Variants in TBC1D19 observed in about 807,000 individuals in gnomAD.
The protein encoded by TBC1D19 is TBC1 domain family, member 19.
In TBC1D19, 60 loss-of-function variants were observed where a neutral mutation model predicts 89.0. The ratio of observed to expected loss-of-function variants is 0.67; its 90% CI spans 0.55 to 0.84. The LOEUF (loss-of-function observed/expected upper bound fraction) is 0.84, where lower values mean the gene tolerates loss of function less well. Ranked by LOEUF, TBC1D19 falls within the 40% of genes least tolerant of loss-of-function variation. The probability of loss-of-function intolerance (pLI) is 0.00; values close to 1 mark genes in which losing one functional copy is unlikely to be tolerated. For missense variants in TBC1D19, 500 were observed against 610.8 expected (o/e 0.82, Z 1.91); for synonymous variants, 189 against 199.7 (o/e 0.95, Z 0.45).
intron 13 of TBC1D19, among the ~76,000 whole-genome samples, chr4:26,712,489 A>C (rs1179148695): frequency 6.6e-6 from 1 of 152,038 alleles, no homozygotes; most frequent in African/African-American, 2.4e-5. Context: ...CATGTATAAG[A>C]ATCCTTGGTT....
intron 17 of TBC1D19, among the ~76,000 whole-genome samples, chr4:26,741,718 G>A (rs1433832543): frequency 6.6e-6 from 1 of 151,580 alleles, no homozygotes; most frequent in African/African-American, 2.4e-5. Context: ...TTGGAACCAT[G>A]ACAGTCTTTT....
chr4:26,679,112 A>G (rs1713102612), intron 11 of TBC1D19, among the ~76,000 whole-genome samples: 1 of 152,214 alleles, frequency 6.6e-6, no homozygotes, highest in Admixed American at 6.5e-5. Flanking sequence ...TGCATAAGTA[A>G]TGAGGAGCCA....
At chr4:26,656,992 TCC>T (rs1491436420) in intron 7 of TBC1D19, among the ~76,000 whole-genome samples, 3 of 95,840 alleles carry the variant, frequency 3.1e-5, no homozygotes, top group African/African-American at 1.3e-4. Context: ...CTTCTTCTTC[TCC>T]TTCTCCTTCT....
chr4:26,824,575 G>A, the TBC1D19 span, among the ~76,000 whole-genome samples: 10 of 152,138 alleles, frequency 6.6e-5, no homozygotes, highest in East Asian at 3.9e-4. Flanking sequence ...GGTCTTTTTC[G>A]TATGCATATT....
intron 13 of TBC1D19, among the ~76,000 whole-genome samples, chr4:26,709,495 T>C (rs1010436453): frequency 1.2e-4 from 18 of 152,060 alleles, no homozygotes; most frequent in African/African-American, 4.3e-4. Flanking sequence ...TGCACCTCTC[T>C]GGTCAGAAGA....
At chr4:26,620,801 AG>A (rs1742001427) in intron 4 of TBC1D19, 113 bp downstream of exon 4, 1 of 843,076 alleles carries the variant, frequency 1.2e-6, no homozygotes, top group African/African-American at 1.7e-5. Context: ...ATACTGGGTA[AG>A]AACCACTAAA....
chr4:26,853,065 G>C, the TBC1D19 span, among the ~76,000 whole-genome samples: 5 of 152,244 alleles, frequency 3.3e-5, no homozygotes, highest in Non-Finnish European at 7.3e-5. Context: ...ACATATGTCA[G>C]ATGCCATGAT....
Position 26,690,855 on chromosome 4 carries a change from T to C in TBC1D19, c.954+2448T>C, listed in dbSNP as rs1032509436. Among the ~76,000 whole-genome samples the C allele has an allele frequency of 3.8e-4, 58 of 152,226 alleles. 1 individual carries two copies. The highest frequency in any genetic ancestry group is 1.3e-3 in the African/African-American group (54 of 41,462). ...TGCAGCCCATGGATAAGGGAGTCATTTTGACTTTCAATCTTATTTAAGAAA... is the reference window on the plus strand; with the variant it reads ...TGCAGCCCATGGATAAGGGAGTCATCTTGACTTTCAATCTTATTTAAGAAA... On this transcript the variant is annotated intron_variant, in intron 13 of 20. Coordinates refer to ENST00000264866, the MANE Select transcript of TBC1D19 (RefSeq NM_018317.4).
chr4:26,698,388 C>T (rs191067875), intron 13 of TBC1D19, among the ~76,000 whole-genome samples: 306 of 152,274 alleles, frequency 2.0e-3, no homozygotes, highest in African/African-American at 6.9e-3. Context: ...CAAGAACATT[C>T]CATGCTCATG....
intron 9 of TBC1D19, among the ~76,000 whole-genome samples, chr4:26,671,686 A>G (rs560070828): frequency 8.6e-5 from 13 of 151,972 alleles, no homozygotes; most frequent in African/African-American, 2.4e-4. Flanking sequence ...TAGATAGCCA[A>G]TGGTAGATTG....
chr4:26,692,482 G>C (rs1473342266), intron 13 of TBC1D19, among the ~76,000 whole-genome samples: 1 of 152,198 alleles, frequency 6.6e-6, no homozygotes, highest in African/African-American at 2.4e-5. Flanking sequence ...CAAAGCAGAA[G>C]TGTCACTCCA....
At chr4:26,784,610 ATCT>A in the TBC1D19 span, among the ~76,000 whole-genome samples, 12 of 152,232 alleles carry the variant, frequency 7.9e-5, no homozygotes, top group African/African-American at 2.9e-4. Flanking sequence ...ACATTCCCAA[ATCT>A]TCTCACAGTT....
chr4:26,773,751 G>T, the TBC1D19 span, among the ~76,000 whole-genome samples: 1 of 152,124 alleles, frequency 6.6e-6, no homozygotes, highest in Non-Finnish European at 1.5e-5. Flanking sequence ...TTTTTGTCAG[G>T]ATTGTCAAAG....
chr4:26,669,174 A>G lies in TBC1D19; in HGVS notation c.664+2769A>G, dbSNP rs184800212. On this transcript the variant is annotated intron_variant, in intron 9 of 20. Coordinates refer to ENST00000264866, the MANE Select transcript of TBC1D19 (RefSeq NM_018317.4). Reference sequence around the variant, plus strand: ...TCTTATTAGATGAGGGTTCTACTAAATAGACATTTTCTTTCTAAAAGAAAA... The same window carrying G: ...TCTTATTAGATGAGGGTTCTACTAAGTAGACATTTTCTTTCTAAAAGAAAA... Among the ~76,000 whole-genome samples the G allele has an allele frequency of 6.8e-4, 103 of 151,880 alleles. No individual in the cohort carries two copies. In the Middle Eastern group the frequency reaches 0.01, roughly 15 times the overall value.
chr4:26,657,056 GTTCTTC>G (rs59336873), intron 7 of TBC1D19, among the ~76,000 whole-genome samples: 93 of 121,122 alleles, frequency 7.7e-4, no homozygotes, highest in Middle Eastern at 3.9e-3. Flanking sequence ...TCCTCTTCTT[GTTCTTC>G]TTCTTCTTCT....
chr4:26,720,160 G>A lies in TBC1D19; in HGVS notation c.1084+35G>A, dbSNP rs1470600830. 8 of 1,513,104 alleles carry A rather than the reference G, an allele frequency of 5.3e-6. No homozygotes were observed. The African/African-American group carries it at 9.9e-5, about 19-fold the overall frequency. The allele number at this position is 1,513,104 out of a possible 1,614,324, so 93.7% of individuals were successfully genotyped here. On this transcript the variant is annotated intron_variant, in intron 15 of 20. Coordinates refer to ENST00000264866, the MANE Select transcript of TBC1D19 (RefSeq NM_018317.4). ...ATGCTATTGCTTCCTCTAGTGGGAA[G>A]TGAAAAAATTACAACTTTTATAATC...
the TBC1D19 span, among the ~76,000 whole-genome samples, chr4:26,826,619 G>A: frequency 7.2e-5 from 11 of 152,214 alleles, no homozygotes; most frequent in African/African-American, 1.7e-4. Flanking sequence ...GATGATGTCC[G>A]CGTGTATTTT....
At chr4:26,759,095 A>G (rs1037850849), downstream of TBC1D19, among the ~76,000 whole-genome samples, 4 of 152,282 alleles carry the variant, frequency 2.6e-5, no homozygotes, top group Admixed American at 6.5e-5. Flanking sequence ...CAGGTATTGC[A>G]TCATCAGGGA....
At chr4:26,593,785 A>G (rs565772971) in intron 1 of TBC1D19, among the ~76,000 whole-genome samples, 1 of 152,310 alleles carries the variant, frequency 6.6e-6, no homozygotes, top group East Asian at 1.9e-4. Context: ...CAAAACCACA[A>G]TGAGATACCA....
Sources: gnomAD v4.1 joint callset for allele counts (sites outside exome capture counted in the v4.1 genomes callset) on GRCh38, gnomAD v4.1.1 for gene constraint, MANE v1.5 for transcripts, NCBI Gene and HGNC (gene_info 2026-07-23, HGNC 2026-07-21) for gene names.